The following IMMP1L variants were observed in gnomAD, a reference collection of about 807,000 sequenced individuals.
IMMP1L encodes mitochondrial inner membrane protease subunit 1.
A neutral mutation model predicts 21.8 loss-of-function variants in IMMP1L; 24 were observed. The observed-to-expected ratio is 1.10, with a 90% CI of 0.80 to 1.55. The LOEUF (loss-of-function observed/expected upper bound fraction) is 1.55. Among genes scored for constraint, IMMP1L ranks in the 40% most tolerant of loss-of-function variants. IMMP1L has a pLI of 0.00. For missense variants in IMMP1L, 195 were observed against 200.7 expected, an observed-to-expected ratio of 0.97 and a Z score of 0.17; for synonymous variants, 46 against 62.8, an observed-to-expected ratio of 0.73 and a Z score of 1.26.
chr11:31,477,209 T>A (rs1021216036), intron 1 of IMMP1L: 3 of 152,142 alleles, frequency 2.0e-5, no homozygotes, highest in Admixed American at 1.3e-4. Context: ...TTATTTCAAT[T>A]CCTTACAGCT....
chr11:31,493,749 T>C (rs1955332988), intron 1 of IMMP1L, among the ~76,000 whole-genome samples: 1 of 152,220 alleles, frequency 6.6e-6, no homozygotes, highest in Non-Finnish European at 1.5e-5. Context: ...GTTGGGTAAC[T>C]ACACCCATTC....
Position 31,480,098 on chromosome 11 carries a change from G to A in IMMP1L, c.-29-16793C>T, listed in dbSNP as rs576703338. ...AGCAATTTCATAAAAGACTAGTGAG[G>A]TCTGTGTTACTCCCTCATTGAGCTC... is the stretch of plus-strand genomic sequence containing the variant. On this transcript the variant is annotated intron_variant, in intron 1 of 5. Coordinates refer to ENST00000532287, the MANE Select transcript of IMMP1L (RefSeq NM_001304274.2). Among the ~76,000 whole-genome samples the A allele has an allele frequency of 7.2e-5, 11 of 152,108 alleles. 1 individual carries two copies. In the South Asian group the frequency reaches 2.3e-3, roughly 32 times the overall value.
intron 1 of IMMP1L, among the ~76,000 whole-genome samples, chr11:31,493,694 T>A (rs1955331092): frequency 6.6e-6 from 1 of 152,044 alleles, no homozygotes; most frequent in African/African-American, 2.4e-5. Flanking sequence ...GCCTACAAAA[T>A]CAAAAGTAAG....
At chr11:31,440,705 T>A (rs1953296786) in intron 4 of IMMP1L, among the ~76,000 whole-genome samples, 1 of 152,224 alleles carries the variant, frequency 6.6e-6, no homozygotes, top group African/African-American at 2.4e-5. Flanking sequence ...AATACTTTTT[T>A]AGCATACTTG....
chr11:31,464,036 T>A (rs1490796855), intron 1 of IMMP1L, among the ~76,000 whole-genome samples: 1 of 152,116 alleles, frequency 6.6e-6, no homozygotes, highest in African/African-American at 2.4e-5. Flanking sequence ...ATTTAACTGT[T>A]ACAACTATGT....
chr11:31,494,062 T>C (rs545572623), intron 1 of IMMP1L, among the ~76,000 whole-genome samples: 6 of 152,342 alleles, frequency 3.9e-5, no homozygotes, highest in African/African-American at 1.4e-4. Context: ...TGGAGGACCA[T>C]GGCCCTCTTC....
At chr11:31,498,980 C>T (rs1031161164) in intron 1 of IMMP1L, among the ~76,000 whole-genome samples, 1 of 152,170 alleles carries the variant, frequency 6.6e-6, no homozygotes, top group Admixed American at 6.5e-5. Flanking sequence ...CTTTACATTT[C>T]AGTTTTACCA....
At chr11:31,503,889 C>A (rs1009753228) in intron 1 of IMMP1L, among the ~76,000 whole-genome samples, 2 of 152,210 alleles carry the variant, frequency 1.3e-5, no homozygotes, top group African/African-American at 2.4e-5. Context: ...TGAAGACACA[C>A]ACTAACCAAT....
At chr11:31,508,424 T>G (rs1439227178) in intron 1 of IMMP1L, among the ~76,000 whole-genome samples, 1 of 152,178 alleles carries the variant, frequency 6.6e-6, no homozygotes, top group Non-Finnish European at 1.5e-5. Context: ...TTGAGTAACT[T>G]AAAGATTCAA....
chr11:31,448,910 T>C, intron 4 of IMMP1L: 7 of 981,948 alleles, frequency 7.1e-6, no homozygotes, highest in Non-Finnish European at 8.5e-6. Context: ...ATCTTCAGAA[T>C]TGTGTTAGCT....
rs118010285 is a variant in IMMP1L at position 31,440,262 on chromosome 11, T to C, written c.322-6692A>G. Among the ~76,000 whole-genome samples the C allele has an allele frequency of 6.1e-3, 924 of 152,348 alleles. 3 individuals are homozygous for C. Among genetic ancestry groups the C allele is most frequent in the Admixed American group, 0.011 (163 of 15,304 alleles). ...AGGATTAGTTTCATACTGCCTGCTA[T>C]GCAATGTATTAAAACAGTAGTTTCA... On this transcript the variant is annotated intron_variant, in intron 4 of 5. Transcript: ENST00000532287.
intron 1 of IMMP1L, among the ~76,000 whole-genome samples, chr11:31,496,672 A>T (rs1955447909): frequency 6.6e-6 from 1 of 150,400 alleles, no homozygotes; most frequent in Non-Finnish European, 1.5e-5. Context: ...ATATGTTATA[A>T]CTTTTTAAAA....
At chr11:31,495,834 T>C (rs968549768) in intron 1 of IMMP1L, among the ~76,000 whole-genome samples, 1 of 152,162 alleles carries the variant, frequency 6.6e-6, no homozygotes, top group Non-Finnish European at 1.5e-5. Context: ...AGAATGAAGT[T>C]GGACTTTTGT....
intron 4 of IMMP1L, among the ~76,000 whole-genome samples, chr11:31,444,484 T>A (rs1023932648): frequency 1.3e-5 from 2 of 152,182 alleles, no homozygotes; most frequent in African/African-American, 4.8e-5. Flanking sequence ...AAATGTACAT[T>A]AATTATGAGT....
At chr11:31,447,516 A>C (rs1309852010) in intron 4 of IMMP1L, among the ~76,000 whole-genome samples, 1 of 152,232 alleles carries the variant, frequency 6.6e-6, no homozygotes, top group African/African-American at 2.4e-5. Context: ...GAGAATCTTA[A>C]GTTGCATCGA....
At chr11:31,462,422 T>C (rs1954182627) in intron 2 of IMMP1L, among the ~76,000 whole-genome samples, 1 of 151,334 alleles carries the variant, frequency 6.6e-6, no homozygotes, top group African/African-American at 2.4e-5. Flanking sequence ...TAAACCTAAT[T>C]TAAAAAAAAA....
intron 1 of IMMP1L, among the ~76,000 whole-genome samples, chr11:31,507,106 C>T (rs1955801869): frequency 6.6e-6 from 1 of 151,916 alleles, no homozygotes; most frequent in African/African-American, 2.4e-5. Context: ...GGTGAAACCC[C>T]ATCTCTACTA....
chr11:31,481,281 A>G (rs2133752714), intron 1 of IMMP1L, among the ~76,000 whole-genome samples: 1 of 152,276 alleles, frequency 6.6e-6, no homozygotes, highest in East Asian at 1.9e-4. Context: ...CATAAATAAT[A>G]TACTGAATTT....
intron 1 of IMMP1L, among the ~76,000 whole-genome samples, chr11:31,478,456 C>T (rs1336138648): frequency 6.6e-6 from 1 of 152,086 alleles, no homozygotes; most frequent in Non-Finnish European, 1.5e-5. Flanking sequence ...TCTTGGATTA[C>T]AATTGACTGT....
Sources: allele counts gnomAD v4.1 joint callset (sites outside exome capture counted in the v4.1 genomes callset), GRCh38; gene constraint gnomAD v4.1.1; transcripts MANE v1.5; gene names NCBI Gene and HGNC (gene_info 2026-07-23, HGNC 2026-07-21).